The following NOL11 variants were observed in gnomAD, a reference collection of about 807,000 sequenced individuals.
NOL11 encodes nucleolar protein 11.
NOL11 carries 42 observed loss-of-function variants against 93.0 expected under a neutral mutation model. That is an observed-to-expected ratio of 0.45 (90% confidence interval 0.35 to 0.58). The LOEUF is 0.58. NOL11 is among the 20% of genes least tolerant of loss of function. The pLI is 0.00. For synonymous variants in NOL11, 296 were observed against 293.7 expected (o/e 1.01, Z -0.08); for missense variants, 775 against 841.8 (o/e 0.92, Z 0.98).
intron 13 of NOL11, 63 bp downstream of exon 13, chr17:67,738,035 T>C: frequency 6.4e-7 from 1 of 1,559,468 alleles, no homozygotes; most frequent in Non-Finnish European, 8.7e-7. Flanking sequence ...ATTATTTGAT[T>C]TCCAAAATTT....
intron 16 of NOL11, among the ~76,000 whole-genome samples, chr17:67,741,884 A>G (rs2055259990): frequency 6.6e-6 from 1 of 152,172 alleles, no homozygotes; most frequent in African/African-American, 2.4e-5. Flanking sequence ...TGTTTTAGAC[A>G]TTTCCTGGAC....
intron 16 of NOL11, 144 bp downstream of exon 16, chr17:67,739,752 A>G (rs2055237808): frequency 3.3e-6 from 2 of 597,638 alleles, no homozygotes; most frequent in East Asian, 6.5e-5. Context: ...AAACCACTGC[A>G]GCTAGAAATG....
At chr17:67,726,363 C>T in intron 6 of NOL11, 97 bp from the exon 7 acceptor site, 4 of 998,128 alleles carry the variant, frequency 4.0e-6, no homozygotes, top group South Asian at 2.5e-5. Context: ...GCTGTTTTAT[C>T]AAATTGGTAA....
rs77545029 is a variant in NOL11, at chr17:67,720,068, A to G, written c.312+106A>G. The G allele has an allele frequency of 1.6e-4, 171 of 1,056,490 alleles. 1 individual carries two copies. The African/African-American group carries it at 2.5e-3, about 16-fold the overall frequency. 65.4% of individuals were successfully genotyped at this position (1,056,490 alleles called of 1,614,324 possible). On this transcript the variant is annotated intron_variant, in intron 3 of 17. Transcript: ENST00000253247. Reference sequence around the variant, plus strand: ...TTTTAATACCTCTGGGAAAATAAGCATAAGGTCCTAATCAGGTTTTCATTC... The same window carrying G: ...TTTTAATACCTCTGGGAAAATAAGCGTAAGGTCCTAATCAGGTTTTCATTC...
chr17:67,717,962 G>C lies in NOL11; in HGVS notation c.15G>C (p.Glu5Asp). Residue 5 changes from glutamate to aspartate, a missense_variant, in exon 1 of 18, where the codon GAG (glutamate) becomes GAC (aspartate). By Grantham distance (45) the Glu-to-Asp change is conservative. This residue lies in a region of NOL11 where 359 missense variants were observed against 316.5 expected (regional missense o/e 1.13). Transcript: ENST00000253247. ...GTTTGCTCAAAATGGCAGCGCTGGA[G>C]GAAGAATTCACGTTGTCTTCGGTAG... Reference protein sequence around the residue: MAALEEEFTLSSVVL... With the variant: MAALDEEFTLSSVVL... 3 of 1,614,214 alleles carry C rather than the reference G, an allele frequency of 1.9e-6. No homozygotes were observed. Among genetic ancestry groups the C allele is most frequent in the Non-Finnish European group, 2.5e-6 (3 of 1,180,024 alleles).
Position 67,743,550 on chromosome 17 carries a change from G to C in NOL11, c.2007G>C (p.Arg669Ser), listed in dbSNP as rs770196074. 1 of 1,606,616 alleles carries C rather than the reference G, an allele frequency of 6.2e-7. No homozygotes were observed. Among genetic ancestry groups the C allele is most frequent in the Non-Finnish European group, 8.5e-7 (1 of 1,175,012 alleles). ...TTGTAATGATGCCAGAAGCAAAGAG[G>C]CTACTGATAAATCTTTACAAGCTTG... The part of the protein sequence containing the change: ...TVVVMMPEAK[R>S]LLINLYKLVK... Residue 669 changes from arginine to serine, a missense_variant, in exon 17 of 18, where the codon AGG (arginine) becomes AGC (serine). By Grantham distance (110) the Arg-to-Ser change is moderately radical (BLOSUM62 -1). Coordinates refer to ENST00000253247, the MANE Select transcript of NOL11 (RefSeq NM_015462.5).
chr17:67,740,140 CAGG>C (rs2055241342), intron 16 of NOL11, among the ~76,000 whole-genome samples: 1 of 151,780 alleles, frequency 6.6e-6, no homozygotes, highest in Non-Finnish European at 1.5e-5. Flanking sequence ...GAGGCTGAGG[CAGG>C]AGAACTGTTT....
chr17:67,736,673 T>G lies in NOL11; in HGVS notation c.1062T>G (p.His354Gln), dbSNP rs1208364921. 1 of 1,608,118 alleles carries G rather than the reference T, an allele frequency of 6.2e-7. No homozygotes were observed. The highest frequency in any genetic ancestry group is 2.2e-5 in the East Asian group (1 of 44,808). Residue 354 changes from histidine to glutamine, a missense_variant, in exon 10 of 18, where the codon CAT becomes CAG. This residue lies in a region of NOL11 where 416 missense variants were observed against 525.2 expected (regional missense o/e 0.79). Transcript: ENST00000253247. ...KLKHSQDPGT[H>Q]VVSHFVNWET... ...CATTTTGCATTTTCTTAGGAACTCATGTCGTGTCCCATTTTGTAAACTGGG... is the reference window on the plus strand; with the variant it reads ...CATTTTGCATTTTCTTAGGAACTCAGGTCGTGTCCCATTTTGTAAACTGGG...
At position 67,722,575 on chromosome 17, in the gene NOL11, T is replaced by G; in HGVS notation, c.462-5T>G. 1 of 1,570,224 alleles carries G rather than the reference T, an allele frequency of 6.4e-7. No homozygotes were observed. The highest frequency in any genetic ancestry group is 8.6e-7 in the Non-Finnish European group (1 of 1,167,156). ...CTATAATTTTTCTTTTTTCTTTTTTTGTAGATGGACAAAGTTTTTCGTAGT... is the reference window on the plus strand; with the variant it reads ...CTATAATTTTTCTTTTTTCTTTTTTGGTAGATGGACAAAGTTTTTCGTAGT... On this transcript the variant is annotated splice_region_variant and splice_polypyrimidine_tract_variant and intron_variant, in intron 4 of 17. Coordinates refer to ENST00000253247, the MANE Select transcript of NOL11 (RefSeq NM_015462.5).
chr17:67,728,887 G>T (rs1338963701), intron 7 of NOL11, among the ~76,000 whole-genome samples: 2 of 151,892 alleles, frequency 1.3e-5, no homozygotes, highest in Non-Finnish European at 2.9e-5. Flanking sequence ...CATCTATTCT[G>T]TTTTTTTAAA....
intron 5 of NOL11, among the ~76,000 whole-genome samples, chr17:67,723,062 G>T (rs2043230548): frequency 6.8e-6 from 1 of 146,074 alleles, no homozygotes; most frequent in Non-Finnish European, 1.5e-5. Flanking sequence ...GCCCAGCCTG[G>T]AGAGCAATGG....
At chr17:67,738,795 T>C in intron 14 of NOL11, 137 bp from the exon 15 acceptor site, 1 of 595,546 alleles carries the variant, frequency 1.7e-6, no homozygotes, top group Non-Finnish European at 3.0e-6. Flanking sequence ...ATTAGGAGAG[T>C]GTTTGGTGAT....
rs971778386 is a variant in NOL11, at chr17:67,744,472, C to A, written c.*613C>A. The A allele has an allele frequency of 3.3e-5, 5 of 152,244 alleles. No individual in the cohort carries two copies. The highest frequency in any genetic ancestry group is 1.3e-4 in the Admixed American group (2 of 15,286). The allele number at this position is 152,244 out of a possible 1,614,324, so 9.4% of individuals were successfully genotyped here. A position where few individuals can be genotyped will look rare whatever the true frequency, so the allele number is the denominator to read the frequency against. ...AGTAGTGAAAAGCTGCGTTTTAGGT[C>A]AGGCACTGTATGTAAACTTTAGTCA... On this transcript the variant is annotated 3_prime_UTR_variant, in exon 18 of 18. Transcript: ENST00000253247.
At chr17:67,729,106 T>A (rs1322306827) in intron 7 of NOL11, among the ~76,000 whole-genome samples, 5 of 152,078 alleles carry the variant, frequency 3.3e-5, no homozygotes, top group Admixed American at 1.3e-4. Context: ...TGTTGTTTTT[T>A]TTTTTGAGAC....
intron 7 of NOL11, among the ~76,000 whole-genome samples, chr17:67,728,766 C>T (rs556131402): frequency 4.1e-4 from 62 of 152,270 alleles, no homozygotes; most frequent in African/African-American, 1.4e-3. Context: ...AGAGATCATT[C>T]CATATAATAT....
chr17:67,718,028 G>C lies in NOL11; in HGVS notation c.81G>C (p.Gln27His). ...AGPEGLLGVE[Q>H]SDKTDQFLVT... ...CTGAAGGACTCCTAGGCGTGGAGCA[G>C]AGCGACAAAACAGACCAGTTTCTAG... The change falls in exon 1 of 18, where the codon CAG (glutamine) becomes CAC (histidine). Residue 27 changes from glutamine to histidine, a missense_variant. By Grantham distance (24) the Gln-to-His change is conservative. Around this residue, in one of 2 missense-constraint regions of NOL11, gnomAD observed 359 missense variants for 316.5 expected, o/e 1.13. Coordinates refer to ENST00000253247, the MANE Select transcript of NOL11 (RefSeq NM_015462.5). 1 of 1,614,240 alleles carries C rather than the reference G, an allele frequency of 6.2e-7. No individual in the cohort carries two copies. The highest frequency in any genetic ancestry group is 8.5e-7 in the Non-Finnish European group (1 of 1,180,044).
At position 67,726,515 on chromosome 17, in the gene NOL11, A is replaced by G. The variant is rs1226420869; in HGVS notation, c.720A>G (p.Glu240=). Residue 240 remains glutamate, a synonymous_variant, in exon 7 of 18, where the codon GAA becomes GAG. Transcript: ENST00000253247. ...TACCAATACGTCCAGCTGACCCAGA[A>G]AAAAATCAGAGCTTAGTTAAATCAC... The part of the protein sequence containing the change: ...TLIPIRPADP[E]KNQSLVKSLL... 5 of 1,614,042 alleles carry G rather than the reference A, an allele frequency of 3.1e-6. No homozygotes were observed. The highest frequency in any genetic ancestry group is 1.7e-5 in the Admixed American group (1 of 59,966).
chr17:67,733,035 C>A (rs1335146571), intron 7 of NOL11, among the ~76,000 whole-genome samples: 2 of 152,050 alleles, frequency 1.3e-5, no homozygotes, highest in Admixed American at 1.3e-4. Flanking sequence ...AGGATCATGT[C>A]ATCTGTGAGT....
At chr17:67,741,374 T>C (rs1447798304) in intron 16 of NOL11, among the ~76,000 whole-genome samples, 1 of 151,850 alleles carries the variant, frequency 6.6e-6, no homozygotes, top group Non-Finnish European at 1.5e-5. Context: ...CCGGGCAAAC[T>C]ACAATTTTTT....
Sources: allele counts gnomAD v4.1 joint callset (sites outside exome capture counted in the v4.1 genomes callset), GRCh38; gene constraint gnomAD v4.1.1; regional missense constraint gnomAD v4.1.1; transcripts MANE v1.5; gene names NCBI Gene and HGNC (gene_info 2026-07-23, HGNC 2026-07-21).